The following TGM2 variants were observed in gnomAD, a reference collection of about 807,000 sequenced individuals.
TGM2 encodes the protein transglutaminase 2, also known as protein-glutamine gamma-glutamyltransferase 2.
In TGM2, 53 loss-of-function variants were observed where a neutral mutation model predicts 75.6. The ratio of observed to expected loss-of-function variants is 0.70; its 90% CI spans 0.56 to 0.88. The LOEUF (loss-of-function observed/expected upper bound fraction) is 0.88. Ranked by LOEUF, TGM2 falls within the 40% of genes least tolerant of loss-of-function variation. The pLI is 0.00. For synonymous variants in TGM2, 374 were observed against 381.1 expected (o/e 0.98, Z 0.22); for missense variants, 842 against 928.5 (o/e 0.91, Z 1.21).
chr20:38,159,734 G>A (rs535963017), intron 2 of TGM2, among the ~76,000 whole-genome samples: 1 of 152,184 alleles, frequency 6.6e-6, no homozygotes, highest in African/African-American at 2.4e-5. Context: ...CTGACTCACT[G>A]TGTGACTGAC....
At chr20:38,139,692 G>T in intron 8 of TGM2, 38 bp from the exon 9 acceptor site, 1 of 1,612,928 alleles carries the variant, frequency 6.2e-7, no homozygotes, top group Non-Finnish European at 8.5e-7. Flanking sequence ...GGGCCTGGGT[G>T]AAGGTTGGGT....
chr20:38,157,417 G>A (rs748275099), intron 2 of TGM2, among the ~76,000 whole-genome samples: 37 of 152,182 alleles, frequency 2.4e-4, no homozygotes, highest in Non-Finnish European at 4.0e-4. Flanking sequence ...CCCACCCTAC[G>A]TCTGGCTCCC....
intron 4 of TGM2, among the ~76,000 whole-genome samples, chr20:38,149,678 C>CAAAAAAAAAAAAAAAAAAAAAAAAAGAA (rs1199376180): frequency 2.5e-5 from 1 of 40,464 alleles, no homozygotes; most frequent in Non-Finnish European, 4.9e-5. Flanking sequence ...GACTCCGCCT[C>CAAAAAAAAAAAAAAAAAAAAAAAAAGAA]AAAAAAAAAA....
At chr20:38,146,498 G>A (rs2075045905) in intron 6 of TGM2, 2 of 672,248 alleles carry the variant, frequency 3.0e-6, no homozygotes, top group Middle Eastern at 2.4e-4. Context: ...CTGAGCCCAT[G>A]CAGTCTCTCC....
intron 10 of TGM2, among the ~76,000 whole-genome samples, chr20:38,136,297 C>T (rs992562903): frequency 9.8e-5 from 15 of 152,336 alleles, no homozygotes; most frequent in East Asian, 9.6e-4. Context: ...GTGCCCCAGA[C>T]GCCAGCCCAT....
intron 4 of TGM2, 95 bp downstream of exon 4, chr20:38,150,844 C>T (rs1025913970): frequency 7.5e-6 from 7 of 935,472 alleles, no homozygotes; most frequent in Non-Finnish European, 1.1e-5. Context: ...CTCTGTGACT[C>T]ACTCCCACCT....
rs1483241372 is a variant in TGM2, at chr20:38,128,477, AAACT to A, written c.*1738_*1741del. ...CAGACCTAGTTTGAGTGTGAAAAAT[AAACT>A]ATTTTATTTCAGTGTTTGCTCCTTG... On this transcript the variant is annotated 3_prime_UTR_variant, in exon 13 of 13. Coordinates refer to ENST00000361475, the MANE Select transcript of TGM2 (RefSeq NM_004613.4). 1 of 152,260 alleles carries A rather than the reference AAACT, an allele frequency of 6.6e-6. No individual in the cohort carries two copies. Among genetic ancestry groups the A allele is most frequent in the Non-Finnish European group, 1.5e-5 (1 of 68,058 alleles). The allele number at this position is 152,260 out of a possible 1,614,324, so 9.4% of individuals were successfully genotyped here. A position where few individuals can be genotyped will look rare whatever the true frequency, so the allele number is the denominator to read the frequency against.
chr20:38,166,420 T>G (rs2075310417), upstream of TGM2: 1 of 150,652 alleles, frequency 6.6e-6, no homozygotes, highest in Admixed American at 6.6e-5. Flanking sequence ...GGACTCAGCC[T>G]AGGACTTCTC....
intron 3 of TGM2, 40 bp from the exon 4 acceptor site, chr20:38,151,097 G>A (rs550648842): frequency 1.9e-5 from 29 of 1,490,820 alleles, no homozygotes; most frequent in African/African-American, 4.1e-5. Flanking sequence ...CTGGGTCTGC[G>A]GAGGCCCAGG....
Position 38,162,145 on chromosome 20 carries a change from C to T in TGM2, c.11-546G>A, listed in dbSNP as rs530376396. Among the ~76,000 whole-genome samples the T allele has an allele frequency of 5.9e-5, 9 of 152,320 alleles. No homozygotes were observed. The East Asian group carries it at 1.7e-3, about 29-fold the overall frequency. ...ATCTTTTAATCACAAGGTCGTGACC[C>T]CCTGTGGCACTTCCTAGCTGTGTGA... is the stretch of plus-strand genomic sequence containing the variant. On this transcript the variant is annotated intron_variant, in intron 1 of 12. Coordinates refer to ENST00000361475, the MANE Select transcript of TGM2 (RefSeq NM_004613.4).
intron 3 of TGM2, among the ~76,000 whole-genome samples, chr20:38,153,608 GA>G (rs1212108758): frequency 6.6e-6 from 1 of 151,896 alleles, no homozygotes; most frequent in Non-Finnish European, 1.5e-5. Flanking sequence ...ATTGTGAGGG[GA>G]AAAAACCAAG....
intron 10 of TGM2, among the ~76,000 whole-genome samples, chr20:38,137,732 A>C (rs1411566019): frequency 5.3e-5 from 8 of 152,186 alleles, no homozygotes; most frequent in Non-Finnish European, 1.2e-4. Context: ...GGCTGGAGAC[A>C]GTGGAATTCA....
At chr20:38,163,666 G>A (rs762763158) in intron 1 of TGM2, among the ~76,000 whole-genome samples, 6 of 152,130 alleles carry the variant, frequency 3.9e-5, no homozygotes, top group Non-Finnish European at 2.9e-5. Flanking sequence ...CAAACCTGGG[G>A]GCAGATAGTT....
At chr20:38,164,457 A>T (rs2075289011) in intron 1 of TGM2, among the ~76,000 whole-genome samples, 1 of 152,176 alleles carries the variant, frequency 6.6e-6, no homozygotes. Context: ...CAGGGGCACC[A>T]GTATGAAATT....
intron 6 of TGM2, among the ~76,000 whole-genome samples, chr20:38,143,545 A>C (rs1320989789): frequency 1.3e-5 from 2 of 152,174 alleles, no homozygotes; most frequent in Non-Finnish European, 2.9e-5. Flanking sequence ...TGGCATCTGC[A>C]AGCTGAGCTC....
At chr20:38,147,312 T>A (rs1223493572) in intron 5 of TGM2, among the ~76,000 whole-genome samples, 1 of 152,146 alleles carries the variant, frequency 6.6e-6, no homozygotes, top group East Asian at 1.9e-4. Context: ...AAGAGGCCCT[T>A]CTGGTCTCAC....
intron 2 of TGM2, among the ~76,000 whole-genome samples, chr20:38,156,361 G>A (rs796237206): frequency 4.5e-4 from 69 of 152,380 alleles, no homozygotes; most frequent in African/African-American, 1.6e-3. Context: ...CTGAGAGAGG[G>A]GCCATGTGGC....
chr20:38,139,506 G>T lies in TGM2; in HGVS notation c.1248C>A (p.Ile416=), dbSNP rs45621634. ...TCAGCCCAACGATCAGGGAACGGTT[G>T]ATGGATTTGTGCACAGACCCATCGT... ...QQDDGSVHKS[I]NRSLIVGLKI... The change falls in exon 9 of 13, where the codon ATC becomes ATA. Residue 416 remains isoleucine (I), a synonymous_variant. Transcript: ENST00000361475. The T allele has an allele frequency of 9.8e-4, 1,583 of 1,614,218 alleles. 4 individuals are homozygous for T. Among genetic ancestry groups the T allele is most frequent in the Middle Eastern group, 9.2e-3 (56 of 6,062 alleles).
chr20:38,139,329 G>C (rs552330574), intron 9 of TGM2, 83 bp downstream of exon 9: 2 of 1,598,162 alleles, frequency 1.3e-6, no homozygotes, highest in South Asian at 2.2e-5. Context: ...TAAAACACAC[G>C]CACACACATA....
Sources: allele counts gnomAD v4.1 joint callset (sites outside exome capture counted in the v4.1 genomes callset), GRCh38; gene constraint gnomAD v4.1.1; transcripts MANE v1.5; gene names NCBI Gene and HGNC (gene_info 2026-07-23, HGNC 2026-07-21).